Variants in UNC79 observed in about 807,000 individuals in gnomAD.
The protein encoded by UNC79 is unc-79 subunit of NALCN channel complex, also known as protein unc-79 homolog.
A neutral mutation model predicts 283.1 loss-of-function variants in UNC79; 37 were observed. The ratio of observed to expected loss-of-function variants is 0.13; its 90% CI spans 0.10 to 0.17. The LOEUF (loss-of-function observed/expected upper bound fraction) is 0.17. Among genes scored for constraint, UNC79 ranks in the 10% least tolerant of loss-of-function variants. The pLI is 1.00. For synonymous variants in UNC79, 1,107 were observed against 1,200.2 expected (o/e 0.92, Z 1.61); for missense variants, 2,272 against 3,211.1 (o/e 0.71, Z 7.07).
intron 38 of UNC79, among the ~76,000 whole-genome samples, chr14:93,656,591 C>G (rs967789380): frequency 1.3e-5 from 2 of 151,908 alleles, no homozygotes; most frequent in Non-Finnish European, 2.9e-5. Flanking sequence ...GAGGTTGAGA[C>G]TGCAGTGAGC....
intron 7 of UNC79, among the ~76,000 whole-genome samples, chr14:93,505,635 T>C (rs1312155550): frequency 6.6e-6 from 1 of 152,094 alleles, no homozygotes; most frequent in Non-Finnish European, 1.5e-5. Flanking sequence ...TTAGCCCATA[T>C]ATATGTAATG....
chr14:93,387,032 T>C (rs1364262078), intron 1 of UNC79, among the ~76,000 whole-genome samples: 1 of 138,184 alleles, frequency 7.2e-6, no homozygotes, highest in Non-Finnish European at 1.5e-5. Flanking sequence ...AACCTCCGCC[T>C]CTCAGGTACA....
chr14:93,347,328 C>T (rs754737362), intron 1 of UNC79: 7 of 1,600,478 alleles, frequency 4.4e-6, no homozygotes, highest in African/African-American at 2.7e-5. Context: ...TGGCCCTGCT[C>T]GGCCTGCAGC....
chr14:93,477,558 A>G, exon 4 of UNC79: 1 of 1,594,614 alleles, frequency 6.3e-7, no homozygotes, highest in Non-Finnish European at 8.5e-7. Flanking sequence ...TGTTTTGTAG[A>G]TCTTGGACAG....
intron 47 of UNC79, among the ~76,000 whole-genome samples, chr14:93,702,430 T>A (rs2075599875): frequency 6.6e-6 from 1 of 152,166 alleles, no homozygotes; most frequent in African/African-American, 2.4e-5. Context: ...TTTAGGAATG[T>A]TTAGGAGTAA....
At chr14:93,570,628 A>G (rs1022307703) in intron 14 of UNC79, among the ~76,000 whole-genome samples, 3 of 152,082 alleles carry the variant, frequency 2.0e-5, no homozygotes, top group East Asian at 1.9e-4. Context: ...CTGTTATTTA[A>G]TTTTATTAAG....
intron 38 of UNC79, among the ~76,000 whole-genome samples, chr14:93,657,880 G>A (rs2071123638): frequency 1.3e-5 from 2 of 152,292 alleles, no homozygotes; most frequent in South Asian, 4.1e-4. Context: ...TGAGGTCAGT[G>A]GCTACTCACG....
intron 1 of UNC79, among the ~76,000 whole-genome samples, chr14:93,423,062 C>CAAAAAA (rs71129634): frequency 1.2e-3 from 91 of 77,288 alleles, no homozygotes; most frequent in Non-Finnish European, 1.4e-3. Flanking sequence ...GACTCTGTCT[C>CAAAAAA]AAAAAAAAAA....
intron 11 of UNC79, among the ~76,000 whole-genome samples, chr14:93,536,235 A>G (rs1461495952): frequency 6.6e-6 from 1 of 152,252 alleles, no homozygotes; most frequent in Non-Finnish European, 1.5e-5. Context: ...GCCTATGAAC[A>G]TAATTAAATG....
At chr14:93,441,780 A>C (rs958183341) in intron 1 of UNC79, among the ~76,000 whole-genome samples, 1 of 152,090 alleles carries the variant, frequency 6.6e-6, no homozygotes, top group East Asian at 1.9e-4. Flanking sequence ...TTTAGCTGCT[A>C]TATTTTCTTT....
At chr14:93,402,276 C>CAAAAAAAAAA (rs1232880016) in intron 1 of UNC79, among the ~76,000 whole-genome samples, 3 of 64,878 alleles carry the variant, frequency 4.6e-5, no homozygotes, top group East Asian at 9.8e-4. Flanking sequence ...GACTCTGTCT[C>CAAAAAAAAAA]AAAAAAAAAA....
intron 1 of UNC79, among the ~76,000 whole-genome samples, chr14:93,419,354 A>T (rs1019032161): frequency 6.6e-6 from 1 of 151,272 alleles, no homozygotes; most frequent in African/African-American, 2.4e-5. Flanking sequence ...TTTTTAGTAG[A>T]GTCGGGGTTT....
intron 22 of UNC79, 81 bp downstream of exon 22, chr14:93,586,989 T>G: frequency 1.3e-6 from 2 of 1,534,002 alleles, no homozygotes; most frequent in Non-Finnish European, 1.8e-6. Context: ...TAAGATTTAC[T>G]GGCTTGTTTG....
chr14:93,448,365 T>C (rs2056530889), intron 1 of UNC79, among the ~76,000 whole-genome samples: 1 of 152,140 alleles, frequency 6.6e-6, no homozygotes. Flanking sequence ...TCTTGCATGA[T>C]TTTTTTATTT....
chr14:93,619,296 T>C (rs1348919439), intron 29 of UNC79, among the ~76,000 whole-genome samples: 1 of 152,188 alleles, frequency 6.6e-6, no homozygotes, highest in Admixed American at 6.5e-5. Context: ...ATTGGGGAGA[T>C]CTGTTAAGCT....
chr14:93,576,434 T>C (rs1195079563), intron 17 of UNC79, among the ~76,000 whole-genome samples: 1 of 151,654 alleles, frequency 6.6e-6, no homozygotes, highest in Non-Finnish European at 1.5e-5. Flanking sequence ...AAAATAAAAA[T>C]TGAAAAAGAA....
At chr14:93,377,540 T>C (rs1204126266) in intron 1 of UNC79, among the ~76,000 whole-genome samples, 2 of 152,130 alleles carry the variant, frequency 1.3e-5, no homozygotes, top group East Asian at 3.9e-4. Context: ...ATCTGAAGGC[T>C]CAACCAGTGA....
At chr14:93,620,208 A>G (rs1257687564) in intron 29 of UNC79, among the ~76,000 whole-genome samples, 1 of 152,182 alleles carries the variant, frequency 6.6e-6, no homozygotes, top group Non-Finnish European at 1.5e-5. Flanking sequence ...CTCAGAGAAG[A>G]GTCTTACTTT....
intron 14 of UNC79, among the ~76,000 whole-genome samples, chr14:93,544,990 G>GT: frequency 6.6e-6 from 1 of 152,172 alleles, no homozygotes; most frequent in East Asian, 1.9e-4. Flanking sequence ...TTAGGGCTTT[G>GT]TAACAAGATA....
Sources: gnomAD v4.1 joint callset for allele counts (sites outside exome capture counted in the v4.1 genomes callset) on GRCh38, gnomAD v4.1.1 for gene constraint, MANE v1.5 for transcripts, NCBI Gene and HGNC (gene_info 2026-07-23, HGNC 2026-07-21) for gene names.